The following EFEMP2 variants were observed in gnomAD, a reference collection of about 807,000 sequenced individuals.
The protein encoded by EFEMP2 is EGF-like fibulin extracellular matrix protein 2, also known as EGF-containing fibulin-like extracellular matrix protein 2.
Under a neutral mutation model 55.3 loss-of-function variants are expected in EFEMP2, and 21 were observed. The ratio of observed to expected loss-of-function variants is 0.38; its 90% CI spans 0.27 to 0.55. The LOEUF is 0.55. Among genes scored for constraint, EFEMP2 ranks in the 20% least tolerant of loss-of-function variants. The pLI is 0.77. For missense variants in EFEMP2, 513 were observed against 615.1 expected (o/e 0.83, Z 1.76); for synonymous variants, 275 against 242.3 (o/e 1.14, Z -1.25).
chr11:65,872,347 G>A lies in EFEMP2; in HGVS notation c.8C>T (p.Pro3Leu). 6.4e-7 allele frequency: 1 copy of A among 1,550,732 alleles called. No individual in the cohort carries two copies. Among genetic ancestry groups the A allele is most frequent in the Non-Finnish European group, 8.7e-7 (1 of 1,146,358 alleles). ML[P>L]CASCLPGSLL... ...AGACCCGGGTAGGCAGGAGGCGCAG[G>A]GGAGCATCCTGGGGCTGCGAGATGG... Residue 3 changes from proline (P) to leucine (L), a missense_variant, in exon 2 of 11, where the codon CCC becomes CTC. Coordinates refer to ENST00000307998, the MANE Select transcript of EFEMP2 (RefSeq NM_016938.5).
chr11:65,868,489 T>A, intron 8 of EFEMP2, 21 bp downstream of exon 8: 1 of 1,613,824 alleles, frequency 6.2e-7, no homozygotes, highest in South Asian at 1.1e-5. Flanking sequence ...GTCCTGCCCA[T>A]CCCACCCGGG....
Position 65,872,258 on chromosome 11 carries a change from G to A in EFEMP2, c.97C>T (p.Pro33Ser). ...GSASPQDSEE[P>S]DSYTECTDGY... ...ACTGTCCCCACCGTGTAGCTGTCGG[G>A]CTCTTCAGAATCCTGAGGAGAAGCT... Residue 33 changes from proline to serine, a missense_variant, in exon 2 of 11, where the codon CCC becomes TCC. Pro to Ser is a moderately conservative substitution (Grantham distance 74, BLOSUM62 -1). Coordinates refer to ENST00000307998, the MANE Select transcript of EFEMP2 (RefSeq NM_016938.5). 2 of 1,551,364 alleles carry A rather than the reference G, an allele frequency of 1.3e-6. No homozygotes were observed. The highest frequency in any genetic ancestry group is 1.7e-4 in the Middle Eastern group (1 of 5,990).
At position 65,870,145 on chromosome 11, in the gene EFEMP2, C is replaced by G. The variant is rs1859939307; in HGVS notation, c.583G>C (p.Gly195Arg). Residue 195 changes from glycine to arginine, a missense_variant, in exon 6 of 11, where the codon GGG (glycine) becomes CGG (arginine). By Grantham distance (125) the Gly-to-Arg change is moderately radical (BLOSUM62 -2). Coordinates refer to ENST00000307998, the MANE Select transcript of EFEMP2 (RefSeq NM_016938.5). ...CCAACACAGGAGCGGTTGTTAGGCCCCAGCTGGAAGCCCGGCTCGCACTGG... is the reference window on the plus strand; with the variant it reads ...CCAACACAGGAGCGGTTGTTAGGCCGCAGCTGGAAGCCCGGCTCGCACTGG... The part of the protein sequence containing the change: ...RCQCEPGFQL[G>R]PNNRSCVDVN... The G allele has an allele frequency of 3.1e-6, 5 of 1,613,682 alleles. No individual in the cohort carries two copies. Among genetic ancestry groups the G allele is most frequent in the Admixed American group, 1.7e-5 (1 of 60,008 alleles).
In EFEMP2 at chr11:65,868,044, G is replaced by A. The variant is rs1591065627; in HGVS notation, c.987C>T (p.Cys329=). 1.9e-6 allele frequency: 3 copies of A among 1,613,802 alleles called. No individual in the cohort carries two copies. Among genetic ancestry groups the A allele is most frequent in the East Asian group, 4.5e-5 (2 of 44,882 alleles). ...YIQVSENRCL[C]PASNPLCREQ... Reference sequence around the variant, plus strand: ...CTCGACATAGAGGGTTGGAGGCCGGGCAGAGACAGCGGCTAGAGACCCCGA... The same window carrying A: ...CTCGACATAGAGGGTTGGAGGCCGGACAGAGACAGCGGCTAGAGACCCCGA... Residue 329 remains cysteine (C), a synonymous_variant, in exon 10 of 11, where the codon TGC becomes TGT. Coordinates refer to ENST00000307998, the MANE Select transcript of EFEMP2 (RefSeq NM_016938.5).
chr11:65,871,768 TG>T lies in EFEMP2; in HGVS notation c.160+201del, dbSNP rs377262176. The T allele has an allele frequency of 2.4e-5, 16 of 656,428 alleles. No homozygotes were observed. The African/African-American group carries it at 2.9e-4, about 12-fold the overall frequency. 40.7% of individuals were successfully genotyped at this position (656,428 alleles called of 1,614,324 possible). A position where few individuals can be genotyped will look rare whatever the true frequency, so the allele number is the denominator to read the frequency against. ...TCTGAGGGGTAGGGACAAGGTTTCCTGGGTTTCTGGGAGAGGATGAGGCCAC... is the reference window on the plus strand; with the variant it reads ...TCTGAGGGGTAGGGACAAGGTTTCCTGGTTTCTGGGAGAGGATGAGGCCAC... On this transcript the variant is annotated intron_variant, in intron 3 of 10. Coordinates refer to ENST00000307998, the MANE Select transcript of EFEMP2 (RefSeq NM_016938.5).
chr11:65,872,477 G>C, intron 1 of EFEMP2, 116 bp from the exon 2 acceptor site: 1 of 692,996 alleles, frequency 1.4e-6, no homozygotes, highest in South Asian at 1.7e-5. Context: ...TTGGGCCTCG[G>C]GGCCTCCCAG....
At position 65,867,937 on chromosome 11, in the gene EFEMP2, G is replaced by A. The variant is rs768004972; in HGVS notation, c.1094C>T (p.Ala365Val). The change falls in exon 10 of 11, where the codon GCG becomes GTG. Residue 365 changes from alanine (A) to valine (V), a missense_variant. Ala to Val is a moderately conservative substitution (Grantham distance 64). Coordinates refer to ENST00000307998, the MANE Select transcript of EFEMP2 (RefSeq NM_016938.5). ...SVPADVFQIQ[A>V]TSVYPGAYNA... is the part of the protein sequence containing the mutation. ...GTAGGCACCGGGGTAGACGGAGGTCGCCTGGATCTGGAACACGTCAGCGGG... is the reference window on the plus strand; with the variant it reads ...GTAGGCACCGGGGTAGACGGAGGTCACCTGGATCTGGAACACGTCAGCGGG... 1.1e-5 allele frequency: 17 copies of A among 1,614,010 alleles called. No homozygotes were observed. The highest frequency in any genetic ancestry group is 2.2e-5 in the East Asian group (1 of 44,888).
rs1416651626 is a variant in EFEMP2 at position 65,871,335 on chromosome 11, C to T, written c.189G>A (p.Glu63=). 1 of 1,614,190 alleles carries T rather than the reference C, an allele frequency of 6.2e-7. No homozygotes were observed. Among genetic ancestry groups the T allele is most frequent in the Non-Finnish European group, 8.5e-7 (1 of 1,180,004 alleles). ...TGCACTTCATTTCCCCCTTGCAGGC[C>T]TCAGGGATGGTCAGACACTCGTTGA... ...RDVNECLTIP[E]ACKGEMKCIN... The change falls in exon 4 of 11, where the codon GAG becomes GAA. Residue 63 remains glutamate, a synonymous_variant. Coordinates refer to ENST00000307998, the MANE Select transcript of EFEMP2 (RefSeq NM_016938.5).
At chr11:65,870,908 G>C in intron 4 of EFEMP2, 3 of 706,562 alleles carry the variant, frequency 4.2e-6, no homozygotes, top group Non-Finnish European at 4.9e-6. Flanking sequence ...GTGGCTCCCA[G>C]GGGACAGACA....
At position 65,871,970 on chromosome 11, in the gene EFEMP2, C is replaced by A. The variant is rs886048506; in HGVS notation, c.160G>T (p.Asp54Tyr). Residue 54 changes from aspartate (D) to tyrosine (Y), a missense_variant and splice_region_variant, in exon 3 of 11, where the codon GAT becomes TAT. Coordinates refer to ENST00000307998, the MANE Select transcript of EFEMP2 (RefSeq NM_016938.5). ...EWDPDSQHCR[D>Y]VNECLTIPEA... is the part of the protein sequence containing the mutation. ...TGTTTGGTCCCCCAGGCACACACAC[C>A]CCGGCAGTGCTGGCTGTCTGGGTCC... is the stretch of plus-strand genomic sequence containing the variant. The A allele has an allele frequency of 1.3e-6, 2 of 1,551,598 alleles. No individual in the cohort carries two copies. The highest frequency in any genetic ancestry group is 8.7e-7 in the Non-Finnish European group (1 of 1,146,960).
Position 65,869,887 on chromosome 11 carries a change from C to T in EFEMP2, c.697G>A (p.Glu233Lys), listed in dbSNP as rs1555043197. 6.2e-7 allele frequency: 1 copy of T among 1,614,070 alleles called. No individual in the cohort carries two copies. ...TFLCRCHQGY[E>K]LHRDGFSCSD... ...CAGGAGAAGCCATCCCGATGCAGCT[C>T]ATAGCCCTGGTGGCAGCGACACAGG... is the stretch of plus-strand genomic sequence containing the variant. The change falls in exon 7 of 11, where the codon GAG (glutamate) becomes AAG (lysine). Residue 233 changes from glutamate to lysine, a missense_variant. Glu to Lys is a moderately conservative substitution (Grantham distance 56). Coordinates refer to ENST00000307998, the MANE Select transcript of EFEMP2 (RefSeq NM_016938.5).
intron 2 of EFEMP2, 66 bp from the exon 3 acceptor site, chr11:65,872,084 T>A: frequency 6.5e-7 from 1 of 1,542,418 alleles, no homozygotes; most frequent in Non-Finnish European, 8.8e-7. Context: ...AGGCCAAGAC[T>A]AGGGCCTGAG....
chr11:65,872,399 G>A, intron 1 of EFEMP2, 38 bp from the exon 2 acceptor site: 2 of 1,414,804 alleles, frequency 1.4e-6, no homozygotes, highest in Non-Finnish European at 1.9e-6. Context: ...GCCTCTGCCC[G>A]CGGCACCTCA....
intron 9 of EFEMP2, 89 bp downstream of exon 9, chr11:65,868,206 G>A (rs1251019513): frequency 1.3e-6 from 2 of 1,588,314 alleles, no homozygotes; most frequent in Non-Finnish European, 8.6e-7. Context: ...TCCCTCAGGG[G>A]CACTCGCTGG....
In EFEMP2 at chr11:65,871,431, A is replaced by G. The variant is rs1859964075; in HGVS notation, c.161-68T>C. The G allele has an allele frequency of 2.0e-6, 3 of 1,482,798 alleles. 1 individual carries two copies. In the South Asian group the frequency reaches 3.4e-5, roughly 17 times the overall value. 91.9% of individuals were successfully genotyped at this position (1,482,798 alleles called of 1,614,324 possible). On this transcript the variant is annotated intron_variant, in intron 3 of 10. Coordinates refer to ENST00000307998, the MANE Select transcript of EFEMP2 (RefSeq NM_016938.5). ...GGCCCTGGAGGGAGCGGAGGCAGGA[A>G]CCCAGCTCGGCCTTCTCTGAGATGT...
rs758495680 is a variant in EFEMP2, at chr11:65,870,651, G to A, written c.375C>T (p.Asp125=). 2.9e-5 allele frequency: 46 copies of A among 1,614,020 alleles called. No individual in the cohort carries two copies. Among genetic ancestry groups the A allele is most frequent in the Middle Eastern group, 1.6e-4 (1 of 6,062 alleles). The change falls in exon 5 of 11, where the codon GAC becomes GAT. Residue 125 remains aspartate, a synonymous_variant. Transcript: ENST00000307998. The part of the protein sequence containing the change: ...PDDQDSCVDV[D]ECAQALHDCR... ...AGTCGTGCAGGGCCTGGGCACACTC[G>A]TCCACATCTGCGAGAGACACCACTC...
intron 9 of EFEMP2, 101 bp from the exon 10 acceptor site, chr11:65,868,157 C>G: frequency 1.3e-6 from 2 of 1,560,056 alleles, no homozygotes; most frequent in South Asian, 2.3e-5. Context: ...CCCTTCTACC[C>G]CTGTGACTGG....
At chr11:65,871,642 C>T (rs1396185926) in intron 3 of EFEMP2, 1 of 596,438 alleles carries the variant, frequency 1.7e-6, no homozygotes, top group Non-Finnish European at 3.0e-6. Flanking sequence ...AGATGGGGGG[C>T]CTCCTTACCC....
chr11:65,870,515 G>C, intron 5 of EFEMP2, 21 bp downstream of exon 5: 1 of 1,613,826 alleles, frequency 6.2e-7, no homozygotes, highest in Non-Finnish European at 8.5e-7. Flanking sequence ...CGGGACTACA[G>C]AAGCTGCTTC....
Sources: allele counts gnomAD v4.1 joint callset, GRCh38; gene constraint gnomAD v4.1.1; transcripts MANE v1.5; gene names NCBI Gene and HGNC (gene_info 2026-07-23, HGNC 2026-07-21).